CAMTA1: variants seen among roughly 807,000 people sequenced by gnomAD.
CAMTA1 encodes calmodulin binding transcription activator 1, also known as calmodulin-binding transcription activator 1.
Under a neutral mutation model 170.9 loss-of-function variants are expected in CAMTA1, and 27 were observed. That is an observed-to-expected ratio of 0.16 (90% CI 0.12 to 0.22). CAMTA1 has a LOEUF of 0.22. Ranked by LOEUF, CAMTA1 falls within the 10% of genes least tolerant of loss-of-function variation. CAMTA1 has a pLI of 1.00. For synonymous variants in CAMTA1, 833 were observed against 891.5 expected, an observed-to-expected ratio of 0.93 and a Z score of 1.17; for missense variants, 1,619 against 2,217.2, an observed-to-expected ratio of 0.73 and a Z score of 5.42.
chr1:7,717,405 A>G (rs140545101), intron 11 of CAMTA1, among the ~76,000 whole-genome samples: 20 of 152,318 alleles, frequency 1.3e-4, no homozygotes, highest in African/African-American at 4.6e-4. Context: ...ATGTACTTCA[A>G]AACATCAGGT....
At chr1:7,462,878 A>T (rs2093123514) in intron 5 of CAMTA1, among the ~76,000 whole-genome samples, 2 of 152,234 alleles carry the variant, frequency 1.3e-5, no homozygotes, top group Admixed American at 1.3e-4. Context: ...AAATGACCCG[A>T]GGCAGAGTCC....
At chr1:6,940,100 G>A (rs1372743668) in intron 3 of CAMTA1, among the ~76,000 whole-genome samples, 2 of 152,240 alleles carry the variant, frequency 1.3e-5, no homozygotes. Flanking sequence ...CTTCAACTAG[G>A]TGCTGGGATG....
intron 4 of CAMTA1, among the ~76,000 whole-genome samples, chr1:7,118,814 A>G (rs1347137915): frequency 6.6e-6 from 1 of 152,086 alleles, no homozygotes; most frequent in Non-Finnish European, 1.5e-5. Flanking sequence ...GAGGCAGGAG[A>G]CCTTGATGGA....
intron 6 of CAMTA1, among the ~76,000 whole-genome samples, chr1:7,619,798 T>C (rs2095584825): frequency 6.6e-6 from 1 of 152,086 alleles, no homozygotes; most frequent in South Asian, 2.1e-4. Flanking sequence ...TATAGGCAAG[T>C]GCAACCACAC....
intron 1 of CAMTA1, among the ~76,000 whole-genome samples, chr1:6,796,404 C>T (rs967069316): frequency 6.6e-6 from 1 of 152,160 alleles, no homozygotes; most frequent in African/African-American, 2.4e-5. Context: ...TCCCAGAGTG[C>T]TGGGATTACA....
chr1:7,584,747 C>T (rs2095294154), intron 6 of CAMTA1, among the ~76,000 whole-genome samples: 1 of 152,124 alleles, frequency 6.6e-6, no homozygotes, highest in Admixed American at 6.5e-5. Context: ...CTTAGCTAGA[C>T]CAGAGGTCCT....
intron 3 of CAMTA1, among the ~76,000 whole-genome samples, chr1:7,052,330 T>C (rs6577410): frequency 0.67 from 101,378 of 151,786 alleles, 34,103 homozygotes; most frequent in Non-Finnish European, 0.69. Flanking sequence ...TTCTCCCCTC[T>C]AAAGACCTCC....
At chr1:7,507,734 C>T (rs981629878) in intron 6 of CAMTA1, among the ~76,000 whole-genome samples, 24 of 152,220 alleles carry the variant, frequency 1.6e-4, no homozygotes, top group Admixed American at 1.4e-3. Context: ...ACTTTGGGGC[C>T]CACGGGCCAC....
At chr1:7,230,248 G>T (rs773309887) in intron 4 of CAMTA1, among the ~76,000 whole-genome samples, 2 of 152,118 alleles carry the variant, frequency 1.3e-5, no homozygotes, top group Non-Finnish European at 2.9e-5. Flanking sequence ...AACTAAAGAA[G>T]GCCTTAGCAA....
chr1:7,343,081 A>T (rs891316089), intron 5 of CAMTA1, among the ~76,000 whole-genome samples: 1 of 152,216 alleles, frequency 6.6e-6, no homozygotes, highest in African/African-American at 2.4e-5. Flanking sequence ...AAAAGGGTAC[A>T]ACCTTACTTC....
intron 4 of CAMTA1, among the ~76,000 whole-genome samples, chr1:7,110,213 C>T (rs771186405): frequency 6.6e-6 from 1 of 152,144 alleles, no homozygotes; most frequent in Non-Finnish European, 1.5e-5. Context: ...ACAAGAAGCA[C>T]AGCACATTTT....
Position 6,825,655 on chromosome 1 carries a change from C to T in CAMTA1, c.234+445C>T, listed in dbSNP as rs556853267. Reference sequence around the variant, plus strand: ...GTTTCATAGGAGTGAAACAGCTTTTCGTCCTTTCTAATGAAGAAAGTTTGC... The same window carrying T: ...GTTTCATAGGAGTGAAACAGCTTTTTGTCCTTTCTAATGAAGAAAGTTTGC... On this transcript the variant is annotated intron_variant, in intron 3 of 22. Transcript: ENST00000303635. Among the ~76,000 whole-genome samples, 165 of 152,208 alleles carry T rather than the reference C, an allele frequency of 1.1e-3. 2 individuals carry two copies. Among genetic ancestry groups the T allele is most frequent in the Non-Finnish European group, 3.5e-4 (24 of 68,012 alleles).
rs533775847 is a variant in CAMTA1, at chr1:7,435,006, C to G, written c.439-32824C>G. Among the ~76,000 whole-genome samples, 3 of 152,152 alleles carry G rather than the reference C, an allele frequency of 2.0e-5. No homozygotes were observed. Among genetic ancestry groups the G allele is most frequent in the African/African-American group, 7.2e-5 (3 of 41,508 alleles). The stretch of plus-strand genomic sequence containing the variant: ...GGTTGAGGCTGCAGTGAGCTGAGAT[C>G]CCACCACTGCACTCCAGCCTGGGTG... On this transcript the variant is annotated intron_variant, in intron 5 of 22. Transcript: ENST00000303635. This position sits in a 1 kb window ranked among gnomAD's most constrained non-coding sequence, Gnocchi z 4.4.
At chr1:6,802,563 T>C (rs563633016) in intron 1 of CAMTA1, among the ~76,000 whole-genome samples, 1 of 152,302 alleles carries the variant, frequency 6.6e-6, no homozygotes, top group Non-Finnish European at 1.5e-5. Context: ...GAAAAGATAT[T>C]GACTCCTAAA....
chr1:7,007,465 C>T lies in CAMTA1; in HGVS notation c.235-83839C>T, dbSNP rs1225570900. 6.6e-6 allele frequency among the ~76,000 whole-genome samples: 1 copy of T among 152,208 alleles called. No homozygotes were observed. The highest frequency in any genetic ancestry group is 1.5e-5 in the Non-Finnish European group (1 of 68,042). On this transcript the variant is annotated intron_variant, in intron 3 of 22. Coordinates refer to ENST00000303635, the MANE Select transcript of CAMTA1 (RefSeq NM_015215.4). This position sits in a 1 kb window ranked among gnomAD's most constrained non-coding sequence, Gnocchi z 4.5. ...TGTCACACCCAGGTCCTTCCCTCGC[C>T]TCGAGAACCCCAAGCGAATTCCCAC...
intron 5 of CAMTA1, among the ~76,000 whole-genome samples, chr1:7,365,406 G>A (rs1456146860): frequency 6.6e-6 from 1 of 152,166 alleles, no homozygotes; most frequent in African/African-American, 2.4e-5. Context: ...TTACTGGAAA[G>A]GAATTCCTCT....
intron 3 of CAMTA1, among the ~76,000 whole-genome samples, chr1:6,935,507 C>A (rs946808384): frequency 2.0e-5 from 3 of 152,170 alleles, no homozygotes; most frequent in Non-Finnish European, 4.4e-5. Flanking sequence ...AGTCAATGTG[C>A]TTATCTGGAG....
intron 5 of CAMTA1, among the ~76,000 whole-genome samples, chr1:7,263,922 C>T (rs138206913): frequency 6.6e-6 from 1 of 152,108 alleles, no homozygotes; most frequent in African/African-American, 2.4e-5. Flanking sequence ...ATTTTTAATG[C>T]TCCTAATATG....
At chr1:7,481,838 T>C (rs2093542139) in intron 6 of CAMTA1, among the ~76,000 whole-genome samples, 2 of 150,918 alleles carry the variant, frequency 1.3e-5, no homozygotes, top group Admixed American at 1.3e-4. Context: ...GTTTATACAC[T>C]GTGAAACAAT....
Sources: gnomAD v4.1 joint callset for allele counts (sites outside exome capture counted in the v4.1 genomes callset) on GRCh38, gnomAD v4.1.1 for gene constraint, Gnocchi (gnomAD v3.1) non-coding constraint, MANE v1.5 for transcripts, NCBI Gene and HGNC (gene_info 2026-07-23, HGNC 2026-07-21) for gene names.